R3HDM1: variants seen among roughly 807,000 people sequenced by gnomAD.
R3HDM1 encodes R3H domain-containing protein 1.
R3HDM1 carries 46 observed loss-of-function variants against 141.1 expected under a neutral mutation model. The observed-to-expected ratio is 0.33, with a 90% CI of 0.26 to 0.42. The LOEUF is 0.42. Among genes scored for constraint, R3HDM1 ranks in the 10% least tolerant of loss-of-function variants. The pLI is 1.00. For synonymous variants in R3HDM1, 435 were observed against 472.9 expected (o/e 0.92, Z 1.04); for missense variants, 1,184 against 1,368.3 (o/e 0.87, Z 2.12).
At chr2:135,655,840 A>T (rs1476983360) in intron 18 of R3HDM1, among the ~76,000 whole-genome samples, 1 of 152,152 alleles carries the variant, frequency 6.6e-6, no homozygotes, top group Non-Finnish European at 1.5e-5. Context: ...GGCTCCTTGC[A>T]ATTCCATATG....
chr2:135,616,559 G>C (rs577886240), intron 4 of R3HDM1, 109 bp from the exon 5 acceptor site: 10 of 889,566 alleles, frequency 1.1e-5, no homozygotes, highest in Non-Finnish European at 1.5e-5. Flanking sequence ...TTCATCTACT[G>C]TTATACATGG....
In R3HDM1 at chr2:135,710,118, A is replaced by G; in HGVS notation, c.2623A>G (p.Asn875Asp). The change falls in exon 23 of 27, where the codon AAT (asparagine) becomes GAT (aspartate). Residue 875 changes from asparagine (N) to aspartate (D), a missense_variant. By Grantham distance (23) the Asn-to-Asp change is conservative (BLOSUM62 1). Transcript: ENST00000683871. ...MVMMQLSVPNNPQSCAHSPPQ... is the reference protein window; with the variant it reads ...MVMMQLSVPNDPQSCAHSPPQ... ...GATGATGCAGCTCAGTGTACCAAAC[A>G]ATCCACAATCTTGTGCCCACTCACC... The G allele has an allele frequency of 6.2e-7, 1 of 1,614,190 alleles. No homozygotes were observed. Among genetic ancestry groups the G allele is most frequent in the Non-Finnish European group, 8.5e-7 (1 of 1,180,028 alleles).
intron 9 of R3HDM1, chr2:135,633,813 T>C (rs2062972419): frequency 6.6e-6 from 1 of 152,160 alleles, no homozygotes; most frequent in African/African-American, 2.4e-5. Flanking sequence ...AATTCAGGCA[T>C]CTATAAAAGA....
chr2:135,605,027 A>G lies in R3HDM1; in HGVS notation c.171+11A>G. 6.5e-7 allele frequency: 1 copy of G among 1,546,968 alleles called. No homozygotes were observed. Among genetic ancestry groups the G allele is most frequent in the Non-Finnish European group, 8.9e-7 (1 of 1,129,204 alleles). ...AATATAGATTTGCAGGTAAACAGGA[A>G]TTTTTCTCTGGCTACAAATACTAAA... On this transcript the variant is annotated intron_variant, in intron 3 of 26. Transcript: ENST00000683871.
At chr2:135,534,580 T>C (rs949915132) in intron 1 of R3HDM1, among the ~76,000 whole-genome samples, 4 of 152,222 alleles carry the variant, frequency 2.6e-5, no homozygotes, top group Non-Finnish European at 5.9e-5. Context: ...AAGACAGTTA[T>C]ATTATGAAGT....
intron 1 of R3HDM1, among the ~76,000 whole-genome samples, chr2:135,599,786 A>G (rs1340183032): frequency 6.6e-6 from 1 of 152,142 alleles, no homozygotes; most frequent in Admixed American, 6.5e-5. Context: ...TAATCCCGGC[A>G]CTTTGGGAGG....
At chr2:135,534,581 A>G (rs1319834147) in intron 1 of R3HDM1, among the ~76,000 whole-genome samples, 1 of 152,210 alleles carries the variant, frequency 6.6e-6, no homozygotes, top group Non-Finnish European at 1.5e-5. Context: ...AGACAGTTAT[A>G]TTATGAAGTC....
chr2:135,581,308 T>C lies in R3HDM1; in HGVS notation c.-249-21192T>C, dbSNP rs1298191360. 6.1e-6 allele frequency: 6 copies of C among 985,290 alleles called. No individual in the cohort carries two copies. In the East Asian group the frequency reaches 6.8e-4, roughly 112 times the overall value. 61.0% of individuals were successfully genotyped at this position (985,290 alleles called of 1,614,324 possible). ...TAGATCCACAGTAGGGGAACTCTCA[T>C]GCGTCCTTCCTTATACTCATAATTC... On this transcript the variant is annotated intron_variant, in intron 1 of 26. Transcript: ENST00000683871.
At chr2:135,677,113 G>T (rs1197069748) in intron 20 of R3HDM1, among the ~76,000 whole-genome samples, 1 of 152,072 alleles carries the variant, frequency 6.6e-6, no homozygotes, top group Non-Finnish European at 1.5e-5. Context: ...GAATGAAGAA[G>T]GATATAAGCA....
intron 19 of R3HDM1, among the ~76,000 whole-genome samples, chr2:135,666,306 G>C (rs2067484899): frequency 6.6e-6 from 1 of 152,178 alleles, no homozygotes. Flanking sequence ...GTCAAATAGG[G>C]ACTCAAGGCA....
chr2:135,641,501 TA>T, intron 14 of R3HDM1, 34 bp from the exon 15 acceptor site: 1 of 1,563,832 alleles, frequency 6.4e-7, no homozygotes, highest in Non-Finnish European at 8.6e-7. Flanking sequence ...ATATGAGGTT[TA>T]AAAAATCCAT....
chr2:135,710,798 A>G (rs1004801890), intron 23 of R3HDM1, among the ~76,000 whole-genome samples: 6 of 152,272 alleles, frequency 3.9e-5, no homozygotes, highest in Admixed American at 3.3e-4. Flanking sequence ...TACCTTTCCC[A>G]TATGACTATA....
intron 5 of R3HDM1, 68 bp downstream of exon 5, chr2:135,616,825 G>C (rs2061062563): frequency 7.6e-7 from 1 of 1,307,934 alleles, no homozygotes; most frequent in Admixed American, 2.0e-5. Flanking sequence ...TATGATTTAA[G>C]TTGTGTTTGT....
rs557277448 is a variant in R3HDM1 at position 135,680,498 on chromosome 2, G to A, written c.2459+174G>A. 7.9e-5 allele frequency among the ~76,000 whole-genome samples: 12 copies of A among 152,274 alleles called. No homozygotes were observed. In the East Asian group the frequency reaches 9.6e-4, roughly 12 times the overall value. On this transcript the variant is annotated intron_variant, in intron 21 of 26. Coordinates refer to ENST00000683871, the MANE Select transcript of R3HDM1 (RefSeq NM_001378107.1). Reference sequence around the variant, plus strand: ...TAACATATTTCTTTCGGCTAGGTACGGTGGCTCACGCCTATAATCCCAGCA... The same window carrying A: ...TAACATATTTCTTTCGGCTAGGTACAGTGGCTCACGCCTATAATCCCAGCA...
intron 21 of R3HDM1, among the ~76,000 whole-genome samples, chr2:135,701,457 T>G (rs934134872): frequency 6.6e-6 from 1 of 152,110 alleles, no homozygotes; most frequent in African/African-American, 2.4e-5. Context: ...TACTCATCCT[T>G]GTGGTGATGT....
At chr2:135,549,561 C>CAAAA (rs1236257586) in intron 1 of R3HDM1, among the ~76,000 whole-genome samples, 73 of 67,404 alleles carry the variant, frequency 1.1e-3, no homozygotes, top group African/African-American at 3.4e-3. Context: ...AACTCTGCCT[C>CAAAA]AAAAAAAAAA....
At chr2:135,563,775 A>C (rs944196085) in intron 1 of R3HDM1, among the ~76,000 whole-genome samples, 7 of 152,306 alleles carry the variant, frequency 4.6e-5, no homozygotes, top group East Asian at 1.9e-4. Flanking sequence ...TATATGTGTT[A>C]GTCCATTTTT....
chr2:135,682,897 T>C (rs2070584878), intron 21 of R3HDM1, among the ~76,000 whole-genome samples: 1 of 152,030 alleles, frequency 6.6e-6, no homozygotes, highest in Non-Finnish European at 1.5e-5. Flanking sequence ...CTCGGGAGGC[T>C]GAGGCAGGAT....
intron 18 of R3HDM1, among the ~76,000 whole-genome samples, chr2:135,655,143 G>T (rs1000109440): frequency 2.0e-5 from 3 of 151,996 alleles, no homozygotes; most frequent in Non-Finnish European, 4.4e-5. Context: ...TCTTTTAAGT[G>T]CTTTATGTTT....
Sources: gnomAD v4.1 joint callset for allele counts (sites outside exome capture counted in the v4.1 genomes callset) on GRCh38, gnomAD v4.1.1 for gene constraint, MANE v1.5 for transcripts, NCBI Gene and HGNC (gene_info 2026-07-23, HGNC 2026-07-21) for gene names.